Variants in LINGO1 observed in about 807,000 individuals in gnomAD.
The protein encoded by LINGO1 is leucine-rich repeat and immunoglobulin-like domain-containing nogo receptor-interacting protein 1.
In LINGO1, 11 loss-of-function variants were observed where a neutral mutation model predicts 37.3. The observed-to-expected ratio is 0.29, with a 90% CI of 0.19 to 0.49. LINGO1 has a LOEUF of 0.49. Among genes scored for constraint, LINGO1 ranks in the 20% least tolerant of loss-of-function variants. The pLI is 0.99. For missense variants in LINGO1, 585 were observed against 878.2 expected (o/e 0.67, Z 4.22); for synonymous variants, 387 against 403.0 (o/e 0.96, Z 0.48).
intron 1 of LINGO1, among the ~76,000 whole-genome samples, chr15:77,748,881 T>G (rs1029356361): frequency 1.4e-5 from 2 of 145,262 alleles, no homozygotes; most frequent in Non-Finnish European, 3.0e-5. Context: ...TTTATTTATT[T>G]ATTTATTTAT....
At chr15:77,622,843 G>A (rs1364334917) in intron 1 of LINGO1, among the ~76,000 whole-genome samples, 1 of 152,202 alleles carries the variant, frequency 6.6e-6, no homozygotes, top group African/African-American at 2.4e-5. Context: ...AAGCAGCTCA[G>A]GGTTTCTCCC....
chr15:77,672,890 G>A (rs1366959621), intron 3 of LINGO1, among the ~76,000 whole-genome samples: 2 of 152,102 alleles, frequency 1.3e-5, no homozygotes, highest in Non-Finnish European at 2.9e-5. Flanking sequence ...CAATCACCAA[G>A]TCTATTTTCT....
rs1472551721 is a variant in LINGO1 at position 77,769,826 on chromosome 15, G to A, written c.-257+17043C>T. On this transcript the variant is annotated intron_variant, in intron 1 of 3. Transcript: ENST00000561686. ...GCCATCAGCAAGTCTCTCCCGGTGCGGGTACCTCACAAAGACCTGCCATGT... is the reference window on the plus strand; with the variant it reads ...GCCATCAGCAAGTCTCTCCCGGTGCAGGTACCTCACAAAGACCTGCCATGT... Among the ~76,000 whole-genome samples the A allele has an allele frequency of 5.9e-5, 9 of 152,284 alleles. No homozygotes were observed. In the South Asian group the frequency reaches 6.2e-4, roughly 11 times the overall value.
At chr15:77,765,554 G>A (rs1371378847) in intron 1 of LINGO1, among the ~76,000 whole-genome samples, 1 of 152,134 alleles carries the variant, frequency 6.6e-6, no homozygotes, top group Non-Finnish European at 1.5e-5. Flanking sequence ...GTCTGTATGA[G>A]AAGCAGACAG....
At chr15:77,746,608 T>C (rs923931872) in intron 1 of LINGO1, among the ~76,000 whole-genome samples, 25 of 152,060 alleles carry the variant, frequency 1.6e-4, no homozygotes, top group Admixed American at 1.6e-3. Flanking sequence ...GGCTGGGGGC[T>C]GGGGGCTGGG....
At chr15:77,791,018 C>A (rs1356903118), upstream of LINGO1, among the ~76,000 whole-genome samples, 1 of 152,198 alleles carries the variant, frequency 6.6e-6, no homozygotes, top group East Asian at 1.9e-4. Context: ...GTGAACCATG[C>A]AGATTCCTGG....
At chr15:77,700,655 T>C (rs1053933638), upstream of LINGO1, among the ~76,000 whole-genome samples, 1 of 151,904 alleles carries the variant, frequency 6.6e-6, no homozygotes, top group African/African-American at 2.4e-5. Context: ...GTGGTCAAAG[T>C]CTCCGAGTTG....
At chr15:77,767,233 A>G (rs72730714) in intron 1 of LINGO1, among the ~76,000 whole-genome samples, 25,368 of 152,220 alleles carry the variant, frequency 0.17, 2,594 homozygotes, top group Admixed American at 0.31. Flanking sequence ...CTTGCAAAGA[A>G]TCAAATCTCA....
chr15:77,774,512 G>C (rs1293887717), intron 1 of LINGO1, among the ~76,000 whole-genome samples: 1 of 152,150 alleles, frequency 6.6e-6, no homozygotes, highest in Non-Finnish European at 1.5e-5. Context: ...TCCATGGGCT[G>C]CTCTGTGGGA....
intron 2 of LINGO1, among the ~76,000 whole-genome samples, chr15:77,793,833 T>G (rs1476891800): frequency 6.6e-6 from 1 of 152,266 alleles, no homozygotes; most frequent in Admixed American, 6.5e-5. Context: ...ACATGTTTTG[T>G]AGAAGACTGA....
chr15:77,790,809 C>T (rs534816395), upstream of LINGO1, among the ~76,000 whole-genome samples: 2 of 152,184 alleles, frequency 1.3e-5, no homozygotes, highest in South Asian at 4.2e-4. Context: ...TCAGCTCAGT[C>T]AGTATAAGGA....
intron 1 of LINGO1, among the ~76,000 whole-genome samples, chr15:77,798,285 C>T (rs530938093): frequency 3.9e-5 from 6 of 152,216 alleles, no homozygotes; most frequent in Non-Finnish European, 7.3e-5. Flanking sequence ...CAAGCTGGAT[C>T]CCGATAGACT....
chr15:77,685,747 A>C (rs2075498558), intron 2 of LINGO1, among the ~76,000 whole-genome samples: 1 of 151,334 alleles, frequency 6.6e-6, no homozygotes, highest in African/African-American at 2.4e-5. Context: ...GTTACTTGGG[A>C]GGCTGAAGTG....
intron 1 of LINGO1, among the ~76,000 whole-genome samples, chr15:77,758,857 G>A (rs1310113996): frequency 2.0e-5 from 3 of 151,520 alleles, no homozygotes; most frequent in African/African-American, 4.8e-5. Flanking sequence ...AGGAGGGGGC[G>A]GTCAGAAGCG....
chr15:77,757,660 A>G (rs1343465248), intron 1 of LINGO1, among the ~76,000 whole-genome samples: 1 of 148,728 alleles, frequency 6.7e-6, no homozygotes, highest in Non-Finnish European at 1.5e-5. Flanking sequence ...GTCCCCAGAT[A>G]AGAGGAGACT....
chr15:77,630,514 C>G (rs2074223948), intron 1 of LINGO1, among the ~76,000 whole-genome samples: 1 of 151,960 alleles, frequency 6.6e-6, no homozygotes, highest in Admixed American at 6.6e-5. Flanking sequence ...AAATGGATGC[C>G]CAGAGGACAG....
At chr15:77,772,250 C>A (rs1399765354) in intron 1 of LINGO1, among the ~76,000 whole-genome samples, 1 of 152,200 alleles carries the variant, frequency 6.6e-6, no homozygotes, top group African/African-American at 2.4e-5. Flanking sequence ...CAGGGTCAGG[C>A]AGTGAGATGA....
At chr15:77,745,342 C>G (rs1356733519) in intron 1 of LINGO1, among the ~76,000 whole-genome samples, 1 of 150,906 alleles carries the variant, frequency 6.6e-6, no homozygotes, top group South Asian at 2.1e-4. Flanking sequence ...AGGAGAATGG[C>G]GTGAACCCGG....
chr15:77,798,770 C>A (rs2076893620), intron 1 of LINGO1, among the ~76,000 whole-genome samples: 1 of 152,204 alleles, frequency 6.6e-6, no homozygotes, highest in Admixed American at 6.5e-5. Flanking sequence ...CCAGTGGAGC[C>A]CAGGGAGCTC....
Sources: allele counts gnomAD v4.1 joint callset (sites outside exome capture counted in the v4.1 genomes callset), GRCh38; gene constraint gnomAD v4.1.1; transcripts MANE v1.5; gene names NCBI Gene and HGNC (gene_info 2026-07-23, HGNC 2026-07-21).